DCAF7: variants seen among roughly 807,000 people sequenced by gnomAD.
The protein encoded by DCAF7 is DDB1- and CUL4-associated factor 7.
DCAF7 carries 4 observed loss-of-function variants against 41.2 expected under a neutral mutation model. The observed-to-expected ratio is 0.10, with a 90% CI of 0.05 to 0.22. The LOEUF is 0.22. Among genes scored for constraint, DCAF7 ranks in the 10% least tolerant of loss-of-function variants. The pLI, the probability that DCAF7 is intolerant of heterozygous loss-of-function variation, is 1.00. For missense variants in DCAF7, 131 were observed against 443.2 expected (o/e 0.30, Z 6.32); for synonymous variants, 143 against 164.2 (o/e 0.87, Z 0.99).
At position 63,583,698 on chromosome 17, in the gene DCAF7, T is replaced by C; in HGVS notation, c.725T>C (p.Met242Thr). The part of the protein sequence containing the change: ...QDPNYLATMA[M>T]DGMEVVILDV... ...CCTAACTACCTGGCCACCATGGCCA[T>C]GGATGGAATGGAGGTGAGCACTCCT... is the stretch of plus-strand genomic sequence containing the variant. Residue 242 changes from methionine (M) to threonine (T), a missense_variant, in exon 5 of 7, where the codon ATG becomes ACG. Coordinates refer to ENST00000614556, the MANE Select transcript of DCAF7 (RefSeq NM_005828.5). The C allele has an allele frequency of 6.2e-7, 1 of 1,613,790 alleles. No homozygotes were observed. The highest frequency in any genetic ancestry group is 8.5e-7 in the Non-Finnish European group (1 of 1,179,788).
chr17:63,587,570 T>C (rs1407832672), intron 6 of DCAF7, among the ~76,000 whole-genome samples: 1 of 147,648 alleles, frequency 6.8e-6, no homozygotes, highest in African/African-American at 2.7e-5. Context: ...CTTAGTGCTC[T>C]AGAGGTGCAA....
At chr17:63,567,802 G>A (rs1054744663) in intron 1 of DCAF7, among the ~76,000 whole-genome samples, 1 of 151,866 alleles carries the variant, frequency 6.6e-6, no homozygotes, top group Non-Finnish European at 1.5e-5. Context: ...TGGGACTACA[G>A]GCCCGTGCAA....
intron 4 of DCAF7, among the ~76,000 whole-genome samples, chr17:63,580,279 A>G (rs2033607086): frequency 6.6e-6 from 1 of 152,112 alleles, no homozygotes; most frequent in South Asian, 2.1e-4. Flanking sequence ...TTATCTTGAA[A>G]CAGATTAGAT....
At chr17:63,552,129 G>A (rs947362982) in intron 1 of DCAF7, among the ~76,000 whole-genome samples, 2 of 152,008 alleles carry the variant, frequency 1.3e-5, no homozygotes, top group African/African-American at 4.8e-5. Flanking sequence ...ATGCAGGGGG[G>A]AAGAAACCAG....
rs1385942331 is a variant in DCAF7, at chr17:63,593,195, G to A, written c.*4023G>A. On this transcript the variant is annotated 3_prime_UTR_variant, in exon 7 of 7. Coordinates refer to ENST00000614556, the MANE Select transcript of DCAF7 (RefSeq NM_005828.5). The stretch of plus-strand genomic sequence containing the variant: ...AAGATCATGCTTGATACTTAGATTG[G>A]TTTTCCCAGGGAAGAGGGCGGAGCA... 6.5e-6 allele frequency: 1 copy of A among 152,722 alleles called. No homozygotes were observed. Among genetic ancestry groups the A allele is most frequent in the Admixed American group, 6.5e-5 (1 of 15,284 alleles). The allele number at this position is 152,722 out of a possible 1,614,324, so 9.5% of individuals were successfully genotyped here.
chr17:63,552,495 T>G (rs1352054271), intron 1 of DCAF7: 1 of 152,232 alleles, frequency 6.6e-6, no homozygotes, highest in Non-Finnish European at 1.5e-5. Flanking sequence ...TCTTTCTTCC[T>G]TATGGCCCAT....
rs1475178721 is a variant in DCAF7 at position 63,576,428 on chromosome 17, CAA to C, written c.139-2041_139-2040del. On this transcript the variant is annotated intron_variant, in intron 1 of 6. Transcript: ENST00000614556. The stretch of plus-strand genomic sequence containing the variant: ...GCCCATTGCACTCCAGCCTGGGTGA[CAA>C]GAGCAAAACTCCGTCTCAAAAGGAA... 5.3e-5 allele frequency among the ~76,000 whole-genome samples: 8 copies of C among 152,144 alleles called. No homozygotes were observed. In the South Asian group the frequency reaches 1.0e-3, roughly 20 times the overall value.
intron 1 of DCAF7, among the ~76,000 whole-genome samples, chr17:63,561,271 T>G (rs2033377009): frequency 6.6e-6 from 1 of 151,786 alleles, no homozygotes; most frequent in East Asian, 1.9e-4. Context: ...TCTCAAAAAA[T>G]AAAAAAGAAA....
Position 63,571,645 on chromosome 17 carries a change from A to T in DCAF7, c.139-6825A>T, listed in dbSNP as rs182573696. 5.3e-5 allele frequency among the ~76,000 whole-genome samples: 8 copies of T among 152,216 alleles called. No individual in the cohort carries two copies. The East Asian group carries it at 1.4e-3, about 26-fold the overall frequency. ...CATGAGCCTTTTCTGAAAAATGAGG[A>T]TGGCTTTTTTCTTGAATTCAAATTA... On this transcript the variant is annotated intron_variant, in intron 1 of 6. Transcript: ENST00000614556.
At position 63,550,834 on chromosome 17, in the gene DCAF7, CGGAA is replaced by C; in HGVS notation, c.138+20_138+23del. The C allele has an allele frequency of 6.2e-7, 1 of 1,609,962 alleles. No homozygotes were observed. The highest frequency in any genetic ancestry group is 8.5e-7 in the Non-Finnish European group (1 of 1,177,780). ...CAACAAGGTGGGCCGGGCAGGGGCTCGGAACCCAGCTGGCGGGGAGCGGGCCCCG... is the reference window on the plus strand; with the variant it reads ...CAACAAGGTGGGCCGGGCAGGGGCTCCCCAGCTGGCGGGGAGCGGGCCCCG... On this transcript the variant is annotated intron_variant, in intron 1 of 6. Coordinates refer to ENST00000614556, the MANE Select transcript of DCAF7 (RefSeq NM_005828.5). The surrounding 1 kb of genome is among the most constrained non-coding windows in gnomAD (Gnocchi z 4.8).
intron 1 of DCAF7, among the ~76,000 whole-genome samples, chr17:63,559,365 A>ATATATAT (rs2033348471): frequency 8.7e-6 from 1 of 115,500 alleles, no homozygotes; most frequent in South Asian, 2.5e-4. Flanking sequence ...ATATGTATGT[A>ATATATAT]TATATATATG....
intron 1 of DCAF7, among the ~76,000 whole-genome samples, chr17:63,564,382 C>T (rs980603690): frequency 6.6e-6 from 1 of 152,192 alleles, no homozygotes; most frequent in Non-Finnish European, 1.5e-5. Context: ...TTCTAGCACT[C>T]ACCTCTTTTT....
Position 63,550,913 on chromosome 17 carries a change from C to T in DCAF7, c.138+98C>T, listed in dbSNP as rs2033244576. The T allele has an allele frequency of 6.6e-7, 1 of 1,511,004 alleles. No homozygotes were observed. Among genetic ancestry groups the T allele is most frequent in the African/African-American group, 1.4e-5 (1 of 72,282 alleles). The allele number at this position is 1,511,004 out of a possible 1,614,324, so 93.6% of individuals were successfully genotyped here. A position where few individuals can be genotyped will look rare whatever the true frequency, so the allele number is the denominator to read the frequency against. On this transcript the variant is annotated intron_variant, in intron 1 of 6. Coordinates refer to ENST00000614556, the MANE Select transcript of DCAF7 (RefSeq NM_005828.5). This position sits in a 1 kb window ranked among gnomAD's most constrained non-coding sequence, Gnocchi z 4.8. ...CCAGGCCTCAGAACCCTCTTGCGGA[C>T]TCGCCCTAGGGCCACGGAGCGGTTC...
At position 63,589,587 on chromosome 17, in the gene DCAF7, G is replaced by T. The variant is rs888716784; in HGVS notation, c.*415G>T. ...TGTCCATGTTCGTGTTAGCACTTAC[G>T]TGGGAACAAATACCAATTTGTCTTT... is the stretch of plus-strand genomic sequence containing the variant. On this transcript the variant is annotated 3_prime_UTR_variant, in exon 7 of 7. Transcript: ENST00000614556. 4.4e-6 allele frequency: 1 copy of T among 226,774 alleles called. No individual in the cohort carries two copies. The highest frequency in any genetic ancestry group is 5.6e-5 in the South Asian group (1 of 17,774). 14.0% of individuals were successfully genotyped at this position (226,774 alleles called of 1,614,324 possible).
intron 5 of DCAF7, 135 bp from the exon 6 acceptor site, chr17:63,585,076 G>C: frequency 1.5e-6 from 1 of 688,560 alleles, no homozygotes; most frequent in Non-Finnish European, 2.5e-6. Flanking sequence ...CAATCCTATG[G>C]AAATCCTGTC....
chr17:63,552,128 G>A (rs1399461475), intron 1 of DCAF7, among the ~76,000 whole-genome samples: 2 of 152,048 alleles, frequency 1.3e-5, no homozygotes, highest in Admixed American at 6.6e-5. Context: ...GATGCAGGGG[G>A]GAAGAAACCA....
At chr17:63,576,220 T>A (rs976974370) in intron 1 of DCAF7, among the ~76,000 whole-genome samples, 1 of 152,094 alleles carries the variant, frequency 6.6e-6, no homozygotes, top group Non-Finnish European at 1.5e-5. Context: ...GGCGTGTGGA[T>A]CACCTGAGGT....
intron 1 of DCAF7, among the ~76,000 whole-genome samples, chr17:63,556,975 C>G (rs1036553914): frequency 6.6e-6 from 1 of 152,124 alleles, no homozygotes; most frequent in Non-Finnish European, 1.5e-5. Context: ...CTGCAGTGAG[C>G]CAAGATCTTG....
At chr17:63,556,225 A>T (rs1433166913) in intron 1 of DCAF7, among the ~76,000 whole-genome samples, 2 of 152,236 alleles carry the variant, frequency 1.3e-5, no homozygotes, top group African/African-American at 4.8e-5. Flanking sequence ...TAAAAATTAC[A>T]TATACATACA....
Sources: gnomAD v4.1 joint callset for allele counts (sites outside exome capture counted in the v4.1 genomes callset) on GRCh38, gnomAD v4.1.1 for gene constraint, Gnocchi (gnomAD v3.1) non-coding constraint, MANE v1.5 for transcripts, NCBI Gene and HGNC (gene_info 2026-07-23, HGNC 2026-07-21) for gene names.